PARP11: variants seen among roughly 807,000 people sequenced by gnomAD.
PARP11 encodes the protein protein mono-ADP-ribosyltransferase PARP11.
PARP11 carries 31 observed loss-of-function variants against 42.9 expected under a neutral mutation model. The ratio of observed to expected loss-of-function variants is 0.72; its 90% CI spans 0.54 to 0.98. The LOEUF is 0.98. Ranked by LOEUF, PARP11 falls within the 50% of genes least tolerant of loss-of-function variation. The pLI is 0.00. For missense variants in PARP11, 365 were observed against 413.1 expected, an observed-to-expected ratio of 0.88 and a Z score of 1.01; for synonymous variants, 137 against 127.3, an observed-to-expected ratio of 1.08 and a Z score of -0.51.
At chr12:3,826,496 C>T (rs1012883022) in intron 3 of PARP11, among the ~76,000 whole-genome samples, 34 of 152,182 alleles carry the variant, frequency 2.2e-4, no homozygotes, top group Admixed American at 7.8e-4. Context: ...TCAGTATGCA[C>T]GGTCTATTCC....
chr12:3,850,496 G>A (rs1948078138), intron 1 of PARP11, among the ~76,000 whole-genome samples: 1 of 152,152 alleles, frequency 6.6e-6, no homozygotes, highest in Non-Finnish European at 1.5e-5. Context: ...CCTTTCAGCT[G>A]TAATATATAT....
chr12:3,811,860 A>G lies in PARP11; in HGVS notation c.*263T>C. The G allele has an allele frequency of 2.4e-6, 1 of 412,788 alleles. No homozygotes were observed. The highest frequency in any genetic ancestry group is 4.3e-6 in the Non-Finnish European group (1 of 235,136). The allele number at this position is 412,788 out of a possible 1,614,324, so 25.6% of individuals were successfully genotyped here. ...CATTAGTTGAGACTCAGCTGATTCC[A>G]TTTTGAATGGTATCTTTCACCCCTA... On this transcript the variant is annotated 3_prime_UTR_variant, in exon 8 of 8. Transcript: ENST00000228820.
intron 1 of PARP11, among the ~76,000 whole-genome samples, chr12:3,866,465 T>C (rs1291569194): frequency 6.6e-6 from 1 of 152,160 alleles, no homozygotes; most frequent in Non-Finnish European, 1.5e-5. Context: ...AGTAATGAAA[T>C]AAATTTGTCT....
chr12:3,869,509 C>T lies in PARP11; in HGVS notation c.18+3703G>A, dbSNP rs1367387411. On this transcript the variant is annotated intron_variant, in intron 1 of 7. Transcript: ENST00000228820. ...GTGCACTGTGTCCCAGCCACATAGG[C>T]TTCTCTCTTTTTCTCAAGCACCAAG... Among the ~76,000 whole-genome samples, 3 of 152,162 alleles carry T rather than the reference C, an allele frequency of 2.0e-5. No individual in the cohort carries two copies. The East Asian group carries it at 5.8e-4, about 29-fold the overall frequency.
chr12:3,851,819 C>T (rs550281951), intron 1 of PARP11, among the ~76,000 whole-genome samples: 32 of 152,362 alleles, frequency 2.1e-4, no homozygotes, highest in African/African-American at 7.5e-4. Flanking sequence ...AAGTGGGTCC[C>T]TGACCCCCGT....
intron 1 of PARP11, among the ~76,000 whole-genome samples, chr12:3,836,413 T>C (rs866097655): frequency 3.9e-5 from 6 of 152,170 alleles, no homozygotes; most frequent in Middle Eastern, 3.4e-3. Flanking sequence ...AATAAAGATA[T>C]TGCCACAATT....
chr12:3,851,268 G>A (rs1344690877), intron 1 of PARP11, among the ~76,000 whole-genome samples: 2 of 152,194 alleles, frequency 1.3e-5, no homozygotes, highest in East Asian at 1.9e-4. Flanking sequence ...TGGGCAGCGG[G>A]TGCAGCCCAC....
rs1285758535 is a variant in PARP11 at position 3,809,942 on chromosome 12, G to A, written c.*2181C>T. The A allele has an allele frequency of 6.6e-6, 1 of 152,150 alleles. No homozygotes were observed. 9.4% of individuals were successfully genotyped at this position (152,150 alleles called of 1,614,324 possible). Reference sequence around the variant, plus strand: ...GCCAGGAAATCTTTGTTGCCACTTTGTTTCAAAGTATTGTACATGCAATGT... The same window carrying A: ...GCCAGGAAATCTTTGTTGCCACTTTATTTCAAAGTATTGTACATGCAATGT... On this transcript the variant is annotated 3_prime_UTR_variant, in exon 8 of 8. Coordinates refer to ENST00000228820, the MANE Select transcript of PARP11 (RefSeq NM_020367.6).
Position 3,829,749 on chromosome 12 carries a change from C to T in PARP11, c.147+141G>A, listed in dbSNP as rs981251267. On this transcript the variant is annotated intron_variant, in intron 2 of 7. Transcript: ENST00000228820. ...AAAAGGAAAAGCACTGGAAGAATTT[C>T]TAACTTTTCTTTTAGTTAAACAATT... The T allele has an allele frequency of 7.4e-6, 6 of 816,028 alleles. No homozygotes were observed. In the African/African-American group the frequency reaches 1.0e-4, roughly 14 times the overall value. 50.5% of individuals were successfully genotyped at this position (816,028 alleles called of 1,614,324 possible).
Position 3,873,322 on chromosome 12 carries a change from G to C in PARP11, c.-93C>G, listed in dbSNP as rs1948530053. Reference sequence around the variant, plus strand: ...TTTTTTTTTTCCCGCGGGTCCCCGGGAGCGAAGGGACGGAGATGCAACCTT... The same window carrying C: ...TTTTTTTTTTCCCGCGGGTCCCCGGCAGCGAAGGGACGGAGATGCAACCTT... On this transcript the variant is annotated 5_prime_UTR_variant, in exon 1 of 8. Coordinates refer to ENST00000228820, the MANE Select transcript of PARP11 (RefSeq NM_020367.6). The C allele has an allele frequency of 8.1e-7, 1 of 1,238,642 alleles. No individual in the cohort carries two copies. 76.7% of individuals were successfully genotyped at this position (1,238,642 alleles called of 1,614,324 possible).
At chr12:3,869,880 T>C (rs376661315) in intron 1 of PARP11, among the ~76,000 whole-genome samples, 4 of 152,246 alleles carry the variant, frequency 2.6e-5, no homozygotes, top group African/African-American at 9.6e-5. Flanking sequence ...TCGCACTAAC[T>C]AGCTTATAAC....
chr12:3,870,078 A>T (rs1948448013), intron 1 of PARP11, among the ~76,000 whole-genome samples: 1 of 152,204 alleles, frequency 6.6e-6, no homozygotes, highest in Non-Finnish European at 1.5e-5. Context: ...TTAATTGTTC[A>T]TTTCTGGAAT....
At chr12:3,829,844 T>C in intron 2 of PARP11, 46 bp downstream of exon 2, 2 of 1,599,422 alleles carry the variant, frequency 1.3e-6, no homozygotes, top group Non-Finnish European at 1.7e-6. Context: ...AAGGTGATGC[T>C]AAGTGAATCG....
At chr12:3,851,919 G>T (rs996061398) in intron 1 of PARP11, among the ~76,000 whole-genome samples, 2 of 152,188 alleles carry the variant, frequency 1.3e-5, no homozygotes, top group Admixed American at 6.5e-5. Flanking sequence ...CCTGAGGAAG[G>T]ATCAGGCAGC....
At chr12:3,839,502 C>T (rs1947844167) in intron 1 of PARP11, 13 of 1,602,226 alleles carry the variant, frequency 8.1e-6, no homozygotes, top group South Asian at 1.1e-5. Context: ...TCAGAATGGC[C>T]TGTATTCACT....
chr12:3,840,329 A>C lies in PARP11; in HGVS notation c.19-10311T>G. 6.2e-7 allele frequency: 1 copy of C among 1,614,154 alleles called. No individual in the cohort carries two copies. The highest frequency in any genetic ancestry group is 8.5e-7 in the Non-Finnish European group (1 of 1,179,972). On this transcript the variant is annotated intron_variant, in intron 1 of 7. Coordinates refer to ENST00000228820, the MANE Select transcript of PARP11 (RefSeq NM_020367.6). This position sits in a 1 kb window ranked among gnomAD's most constrained non-coding sequence, Gnocchi z 4.4. ...AGCTGGAACACAGTGTCAGGGAAGA[A>C]GATGAAAAAACCTTCCACTTCTGGA...
rs1430628267 is a variant in PARP11 at position 3,840,214 on chromosome 12, G to A, written c.19-10196C>T. 22 of 1,610,598 alleles carry A rather than the reference G, an allele frequency of 1.4e-5. No individual in the cohort carries two copies. Among genetic ancestry groups the A allele is most frequent in the Admixed American group, 6.7e-5 (4 of 60,008 alleles). The stretch of plus-strand genomic sequence containing the variant: ...CAATGGAAAATTTTTGAATGCAGAC[G>A]TTCAAGGAGTTCATTCTGAGAATGG... On this transcript the variant is annotated intron_variant, in intron 1 of 7. Transcript: ENST00000228820. The surrounding 1 kb of genome is among the most constrained non-coding windows in gnomAD (Gnocchi z 4.4).
At chr12:3,819,297 A>C (rs1276083712) in intron 6 of PARP11, among the ~76,000 whole-genome samples, 1 of 152,208 alleles carries the variant, frequency 6.6e-6, no homozygotes, top group Admixed American at 6.5e-5. Context: ...TGGGTCAGGC[A>C]ACCCAACGTG....
At chr12:3,850,084 T>C (rs1948069537) in intron 1 of PARP11, among the ~76,000 whole-genome samples, 1 of 152,054 alleles carries the variant, frequency 6.6e-6, no homozygotes, top group South Asian at 2.1e-4. Context: ...CAAAGCTATA[T>C]TGGAGAAGGA....
Sources: allele counts gnomAD v4.1 joint callset (sites outside exome capture counted in the v4.1 genomes callset), GRCh38; gene constraint gnomAD v4.1.1; non-coding constraint Gnocchi (gnomAD v3.1); transcripts MANE v1.5; gene names NCBI Gene and HGNC (gene_info 2026-07-23, HGNC 2026-07-21).